The following SIPA1L1 variants were observed in gnomAD, a reference collection of about 807,000 sequenced individuals.
The protein encoded by SIPA1L1 is signal-induced proliferation-associated 1-like protein 1.
In SIPA1L1, 26 loss-of-function variants were observed where a neutral mutation model predicts 162.7. The ratio of observed to expected loss-of-function variants is 0.16; its 90% CI spans 0.12 to 0.22. The LOEUF (loss-of-function observed/expected upper bound fraction) is 0.22. Among genes scored for constraint, SIPA1L1 ranks in the 10% least tolerant of loss-of-function variants. The probability of loss-of-function intolerance (pLI) is 1.00; values close to 1 mark genes in which losing one functional copy is unlikely to be tolerated. For missense variants in SIPA1L1, 1,874 were observed against 2,241.0 expected (o/e 0.84, Z 3.31); for synonymous variants, 829 against 837.4 (o/e 0.99, Z 0.17).
chr14:71,651,474 G>A (rs2042611956), intron 8 of SIPA1L1, among the ~76,000 whole-genome samples: 2 of 152,196 alleles, frequency 1.3e-5, no homozygotes, highest in South Asian at 4.1e-4. Context: ...ATGCAAGAGA[G>A]ACTATTAAAA....
intron 2 of SIPA1L1, among the ~76,000 whole-genome samples, chr14:71,372,161 A>G (rs2038950655): frequency 6.6e-6 from 1 of 152,200 alleles, no homozygotes; most frequent in African/African-American, 2.4e-5. Context: ...GCCTGACAGA[A>G]GAGAATGAGT....
intron 2 of SIPA1L1, among the ~76,000 whole-genome samples, chr14:71,413,519 C>T (rs1225808325): frequency 2.0e-5 from 3 of 152,128 alleles, no homozygotes; most frequent in African/African-American, 7.2e-5. Flanking sequence ...GGGTGGATCA[C>T]CTGAGGTGAG....
At chr14:71,679,668 G>A (rs144567036) in intron 12 of SIPA1L1, among the ~76,000 whole-genome samples, 3,078 of 152,278 alleles carry the variant, frequency 0.02, 104 homozygotes, top group African/African-American at 0.07. Context: ...ACCCATCAGT[G>A]TGCTATATTC....
chr14:71,444,650 C>T (rs2141312608), intron 2 of SIPA1L1, among the ~76,000 whole-genome samples: 1 of 152,234 alleles, frequency 6.6e-6, no homozygotes, highest in East Asian at 1.9e-4. Context: ...GCAAGACTGA[C>T]CTCTTTCCCT....
rs191034460 is a variant in SIPA1L1, at chr14:71,546,198, A to G, written c.-303+16828A>G. Among the ~76,000 whole-genome samples the G allele has an allele frequency of 1.1e-3, 161 of 152,150 alleles. 2 individuals carry two copies. Among genetic ancestry groups the G allele is most frequent in the Non-Finnish European group, 2.6e-4 (18 of 67,996 alleles). On this transcript the variant is annotated intron_variant, in intron 4 of 23. Transcript: ENST00000381232. ...CTATTTTTTAAGTTCACAATGTTCAATCTACATATTAAGCTTTCTTGTGCT... is the reference window on the plus strand; with the variant it reads ...CTATTTTTTAAGTTCACAATGTTCAGTCTACATATTAAGCTTTCTTGTGCT...
At chr14:71,557,632 A>G (rs2056459037) in intron 4 of SIPA1L1, among the ~76,000 whole-genome samples, 1 of 152,226 alleles carries the variant, frequency 6.6e-6, no homozygotes, top group Non-Finnish European at 1.5e-5. Context: ...TATTGAATAC[A>G]AATATGAAAA....
intron 16 of SIPA1L1, among the ~76,000 whole-genome samples, chr14:71,707,449 C>T (rs948908127): frequency 2.6e-5 from 4 of 152,134 alleles, no homozygotes; most frequent in East Asian, 1.9e-4. Context: ...TGGGCATTTT[C>T]GTCACCACCA....
At chr14:71,391,132 A>C in intron 2 of SIPA1L1, among the ~76,000 whole-genome samples, 1 of 130,512 alleles carries the variant, frequency 7.7e-6, no homozygotes, top group Non-Finnish European at 1.6e-5. Flanking sequence ...TTTGAGACAG[A>C]CTCTTGCTCT....
rs531090288 is a variant in SIPA1L1 at position 71,548,291 on chromosome 14, A to G, written c.-303+18921A>G. Among the ~76,000 whole-genome samples the G allele has an allele frequency of 5.3e-5, 8 of 152,332 alleles. No individual in the cohort carries two copies. The South Asian group carries it at 1.4e-3, about 28-fold the overall frequency. The stretch of plus-strand genomic sequence containing the variant: ...GTAAGGTCAGAAGTCTTTAAACTCA[A>G]CTGTGTAATGAAGTCTGCTGTCAGC... On this transcript the variant is annotated intron_variant, in intron 4 of 23. Transcript: ENST00000381232.
chr14:71,384,452 G>A (rs1255478763), intron 2 of SIPA1L1, among the ~76,000 whole-genome samples: 1 of 152,174 alleles, frequency 6.6e-6, no homozygotes, highest in African/African-American at 2.4e-5. Context: ...AGTGGTGCAC[G>A]GGAATGGGTT....
chr14:71,442,130 G>A (rs1204098507), intron 2 of SIPA1L1, among the ~76,000 whole-genome samples: 1 of 130,274 alleles, frequency 7.7e-6, no homozygotes, highest in Non-Finnish European at 1.5e-5. Flanking sequence ...CTGAGATCGC[G>A]TCACTGTACT....
chr14:71,403,628 TAATC>T (rs1236365017), intron 2 of SIPA1L1, among the ~76,000 whole-genome samples: 5 of 150,520 alleles, frequency 3.3e-5, no homozygotes, highest in African/African-American at 1.2e-4. Context: ...AAAAAAATCT[TAATC>T]ATATTGTTTT....
At chr14:71,732,680 G>C (rs2084908073) in intron 20 of SIPA1L1, among the ~76,000 whole-genome samples, 1 of 152,150 alleles carries the variant, frequency 6.6e-6, no homozygotes, top group Non-Finnish European at 1.5e-5. Context: ...ACCCAAAATT[G>C]GTCCAAAGAA....
chr14:71,567,403 G>A (rs958666854), intron 4 of SIPA1L1, among the ~76,000 whole-genome samples: 16 of 152,064 alleles, frequency 1.1e-4, no homozygotes, highest in African/African-American at 3.9e-4. Flanking sequence ...AACAGAAGCC[G>A]TTTATAAAGG....
At position 71,554,004 on chromosome 14, in the gene SIPA1L1, G is replaced by A. The variant is rs367618843; in HGVS notation, c.-303+24634G>A. On this transcript the variant is annotated intron_variant, in intron 4 of 23. Coordinates refer to ENST00000381232, the MANE Select transcript of SIPA1L1 (RefSeq NM_001386936.1). Reference sequence around the variant, plus strand: ...TTGGCCTATCTGAATGGAATATTCCGTTCAGTCCTTTCAAATGTAGCAAGA... The same window carrying A: ...TTGGCCTATCTGAATGGAATATTCCATTCAGTCCTTTCAAATGTAGCAAGA... 7.2e-5 allele frequency among the ~76,000 whole-genome samples: 11 copies of A among 152,076 alleles called. No homozygotes were observed. In the East Asian group the frequency reaches 1.2e-3, roughly 16 times the overall value.
chr14:71,685,849 T>C (rs1345577615), intron 13 of SIPA1L1, among the ~76,000 whole-genome samples: 1 of 152,162 alleles, frequency 6.6e-6, no homozygotes, highest in Non-Finnish European at 1.5e-5. Flanking sequence ...TGCACACTGG[T>C]ATTTGTGCTT....
rs1486406672 is a variant in SIPA1L1, at chr14:71,650,422, C to G, written c.1906C>G (p.Pro636Ala). The G allele has an allele frequency of 6.2e-7, 1 of 1,614,094 alleles. No homozygotes were observed. The highest frequency in any genetic ancestry group is 1.1e-5 in the South Asian group (1 of 91,078). ...EEMYNNESAG[P>A]AFEEFLQLLG... Reference sequence around the variant, plus strand: ...GATGTACAACAATGAGTCAGCTGGCCCAGCCTTTGAAGAATTTCTTCAACT... The same window carrying G: ...GATGTACAACAATGAGTCAGCTGGCGCAGCCTTTGAAGAATTTCTTCAACT... The change falls in exon 8 of 24, where the codon CCA becomes GCA. Residue 636 changes from proline to alanine, a missense_variant. Physicochemically the swap from Pro to Ala is conservative, Grantham distance 27 (BLOSUM62 -1). Around this residue, in one of 5 missense-constraint regions of SIPA1L1, gnomAD observed 685 missense variants for 828.0 expected, o/e 0.83. Coordinates refer to ENST00000381232, the MANE Select transcript of SIPA1L1 (RefSeq NM_001386936.1).
intron 3 of SIPA1L1, among the ~76,000 whole-genome samples, chr14:71,522,697 CTTT>C (rs368872105): frequency 2.8e-5 from 4 of 144,040 alleles, no homozygotes; most frequent in African/African-American, 5.1e-5. Context: ...TTCTCTCTCT[CTTT>C]TTTTTTTTTT....
chr14:71,652,224 G>A (rs1298503086), intron 8 of SIPA1L1, among the ~76,000 whole-genome samples: 1 of 152,104 alleles, frequency 6.6e-6, no homozygotes. Flanking sequence ...TATTCACTAT[G>A]CCATTTAAAC....
Sources: gnomAD v4.1 joint callset for allele counts (sites outside exome capture counted in the v4.1 genomes callset) on GRCh38, gnomAD v4.1.1 for gene constraint, gnomAD v4.1.1 regional missense constraint, MANE v1.5 for transcripts, NCBI Gene and HGNC (gene_info 2026-07-23, HGNC 2026-07-21) for gene names.